The following MEF2C variants were observed in gnomAD, a reference collection of about 807,000 sequenced individuals.
MEF2C encodes the protein myocyte-specific enhancer factor 2C.
In MEF2C, 6 loss-of-function variants were observed where a neutral mutation model predicts 50.5. That is an observed-to-expected ratio of 0.12 (90% CI 0.07 to 0.23). The LOEUF is 0.23. Ranked by LOEUF, MEF2C falls within the 10% of genes least tolerant of loss-of-function variation. MEF2C has a pLI of 1.00. For missense variants in MEF2C, 276 were observed against 605.0 expected (o/e 0.46, Z 5.70); for synonymous variants, 183 against 228.0 (o/e 0.80, Z 1.78).
At chr5:88,782,622 T>C (rs752475102) in intron 3 of MEF2C, among the ~76,000 whole-genome samples, 9 of 152,238 alleles carry the variant, frequency 5.9e-5, no homozygotes, top group African/African-American at 4.8e-5. Context: ...ACTAAAATTA[T>C]ATGAATATTT....
In MEF2C at chr5:88,728,869, A is replaced by C. The variant is rs1301520027; in HGVS notation, c.965-241T>G. Among the ~76,000 whole-genome samples, 8 of 152,326 alleles carry C rather than the reference A, an allele frequency of 5.3e-5. No homozygotes were observed. The South Asian group carries it at 8.3e-4, about 16-fold the overall frequency. ...CTGAAGTAGCATAGTCCGCAATTCT[A>C]GTTTATTAGAACTACAATCTAGTAT... On this transcript the variant is annotated intron_variant, in intron 9 of 10. Transcript: ENST00000504921.
intron 2 of MEF2C, chr5:88,819,389 A>C: frequency 1.0e-6 from 1 of 985,122 alleles, no homozygotes. Flanking sequence ...CAGGACCTTC[A>C]AAGCTTTGCG....
At chr5:88,758,280 A>G (rs1222011351) in intron 4 of MEF2C, among the ~76,000 whole-genome samples, 5 of 151,660 alleles carry the variant, frequency 3.3e-5, no homozygotes, top group African/African-American at 1.2e-4. Flanking sequence ...CTCTCAACCA[A>G]CTTGCACCCG....
At chr5:88,813,601 T>C (rs906182446) in intron 2 of MEF2C, among the ~76,000 whole-genome samples, 3 of 152,154 alleles carry the variant, frequency 2.0e-5, no homozygotes, top group African/African-American at 7.2e-5. Flanking sequence ...ACATCTATAA[T>C]AATAATTGAG....
chr5:88,813,630 T>C (rs1437262983), intron 2 of MEF2C, among the ~76,000 whole-genome samples: 1 of 152,100 alleles, frequency 6.6e-6, no homozygotes, highest in Non-Finnish European at 1.5e-5. Flanking sequence ...GCAAATTGCC[T>C]CAGACATATC....
intron 1 of MEF2C, among the ~76,000 whole-genome samples, chr5:88,880,454 T>C (rs550007148): frequency 6.6e-6 from 1 of 152,120 alleles, no homozygotes; most frequent in South Asian, 2.1e-4. Flanking sequence ...TGAGATTTCA[T>C]AGACTCAAAT....
intron 1 of MEF2C, among the ~76,000 whole-genome samples, chr5:88,847,979 C>T (rs147733743): frequency 0.01 from 1,538 of 152,244 alleles, 20 homozygotes; most frequent in South Asian, 0.041. Flanking sequence ...ATAAATTCCA[C>T]TTATAAAGTA....
chr5:88,757,427 A>G (rs1045749871), intron 4 of MEF2C, among the ~76,000 whole-genome samples: 2 of 152,046 alleles, frequency 1.3e-5, no homozygotes, highest in African/African-American at 4.8e-5. Context: ...GAAAAAAAAA[A>G]TCATACAACT....
intron 3 of MEF2C, among the ~76,000 whole-genome samples, chr5:88,795,716 G>A (rs943928817): frequency 6.6e-6 from 1 of 152,082 alleles, no homozygotes; most frequent in South Asian, 2.1e-4. Context: ...CCTGTCTTGT[G>A]CAGTTTTCAA....
intron 2 of MEF2C, among the ~76,000 whole-genome samples, chr5:88,805,377 T>C (rs1223962981): frequency 1.3e-5 from 2 of 152,238 alleles, no homozygotes; most frequent in Non-Finnish European, 2.9e-5. Context: ...TTTGGTTTCA[T>C]TCTTCTGTGT....
At chr5:88,892,569 G>T (rs984478313) in intron 1 of MEF2C, among the ~76,000 whole-genome samples, 1 of 152,194 alleles carries the variant, frequency 6.6e-6, no homozygotes, top group Non-Finnish European at 1.5e-5. Context: ...TTCAGGATGA[G>T]ATTTACCTTG....
chr5:88,819,408 G>A, intron 2 of MEF2C: 1 of 983,986 alleles, frequency 1.0e-6, no homozygotes, highest in African/African-American at 1.7e-5. Flanking sequence ...CGATATCTGG[G>A]TCCTGTCTAA....
intron 4 of MEF2C, among the ~76,000 whole-genome samples, chr5:88,756,357 T>A (rs1775303106): frequency 2.0e-5 from 3 of 152,194 alleles, no homozygotes; most frequent in Admixed American, 2.0e-4. Flanking sequence ...TCCATCTTTA[T>A]GTCCATGTGT....
rs573952716 is a variant in MEF2C, at chr5:88,762,031, A to G, written c.259-703T>C. On this transcript the variant is annotated intron_variant, in intron 3 of 10. Transcript: ENST00000504921. ...AAAGTGAAAACAGCTGAGCTGAGTA[A>G]GGAAGACGAAGAACACTGAAAACAG... 5.9e-5 allele frequency: 9 copies of G among 152,352 alleles called. No individual in the cohort carries two copies. In the East Asian group the frequency reaches 1.7e-3, roughly 29 times the overall value. The allele number at this position is 152,352 out of a possible 1,614,324, so 9.4% of individuals were successfully genotyped here.
At chr5:88,782,245 A>C in intron 3 of MEF2C, 1 of 760,706 alleles carries the variant, frequency 1.3e-6, no homozygotes, top group Non-Finnish European at 1.6e-6. Context: ...AGGTGGGAGG[A>C]TCACTTGAGC....
intron 3 of MEF2C, among the ~76,000 whole-genome samples, chr5:88,778,879 C>T (rs1786254297): frequency 6.6e-6 from 1 of 152,198 alleles, no homozygotes; most frequent in South Asian, 2.1e-4. Context: ...AAAATCTGCA[C>T]TGTTGGTAGA....
intron 3 of MEF2C, chr5:88,781,976 C>CAAAAA (rs1580604812): frequency 3.1e-6 from 1 of 321,864 alleles, no homozygotes; most frequent in East Asian, 1.7e-4. Flanking sequence ...CTGTCAAAAA[C>CAAAAA]AAAACAAAAC....
At chr5:88,736,906 A>C (rs1258985151) in intron 6 of MEF2C, 3 of 985,210 alleles carry the variant, frequency 3.0e-6, no homozygotes, top group Non-Finnish European at 3.6e-6. Context: ...TGTTTAATTC[A>C]AATTTATCTT....
At chr5:88,845,515 T>C (rs1253231927) in intron 1 of MEF2C, among the ~76,000 whole-genome samples, 1 of 152,190 alleles carries the variant, frequency 6.6e-6, no homozygotes, top group African/African-American at 2.4e-5. Context: ...GTAGAAGTTT[T>C]GAGGAAGAGT....
Sources: allele counts gnomAD v4.1 joint callset (sites outside exome capture counted in the v4.1 genomes callset), GRCh38; gene constraint gnomAD v4.1.1; transcripts MANE v1.5; gene names NCBI Gene and HGNC (gene_info 2026-07-23, HGNC 2026-07-21).